The following B4GALT6 variants were observed in gnomAD, a reference collection of about 807,000 sequenced individuals.
B4GALT6 encodes the protein beta-1,4-galactosyltransferase 6.
Under a neutral mutation model 46.3 loss-of-function variants are expected in B4GALT6, and 14 were observed. The ratio of observed to expected loss-of-function variants is 0.30; its 90% CI spans 0.20 to 0.47. B4GALT6 has a LOEUF of 0.47. Ranked by LOEUF, B4GALT6 falls within the 20% of genes least tolerant of loss-of-function variation. The probability of loss-of-function intolerance (pLI) is 0.99; values close to 1 mark genes in which losing one functional copy is unlikely to be tolerated. For synonymous variants in B4GALT6, 168 were observed against 162.0 expected (o/e 1.04, Z -0.28); for missense variants, 386 against 480.1 (o/e 0.80, Z 1.83).
chr18:31,648,032 G>GAGAGGGAATGTCCTTCTTGTAA (rs1233750673), intron 3 of B4GALT6, among the ~76,000 whole-genome samples: 1 of 152,168 alleles, frequency 6.6e-6, no homozygotes, highest in Non-Finnish European at 1.5e-5. Flanking sequence ...AATGAAGCTA[G>GAGAGGGAATGTCCTTCTTGTAA]AGAGGGAATG....
intron 3 of B4GALT6, among the ~76,000 whole-genome samples, chr18:31,653,612 TTGTG>T (rs1461405244): frequency 6.6e-6 from 1 of 151,884 alleles, no homozygotes; most frequent in Non-Finnish European, 1.5e-5. Flanking sequence ...TGGCTAATTT[TTGTG>T]TGTGTGTTTT....
At chr18:31,684,993 C>T (rs980381629), upstream of B4GALT6, among the ~76,000 whole-genome samples, 6 of 146,758 alleles carry the variant, frequency 4.1e-5, no homozygotes, top group Non-Finnish European at 9.1e-5. Flanking sequence ...GCGTGGGCGC[C>T]GGGGCCGCAA....
chr18:31,656,005 G>C (rs976643383), intron 3 of B4GALT6, among the ~76,000 whole-genome samples: 2 of 152,082 alleles, frequency 1.3e-5, no homozygotes, highest in African/African-American at 4.8e-5. Flanking sequence ...TGCGGGATTT[G>C]TTAGAAATGC....
intron 5 of B4GALT6, among the ~76,000 whole-genome samples, chr18:31,632,312 G>C (rs1443371570): frequency 6.6e-6 from 1 of 151,982 alleles, no homozygotes; most frequent in Non-Finnish European, 1.5e-5. Context: ...AAAGAAAAGG[G>C]AGTTAAATTA....
At chr18:31,700,468 T>TGTGTGTGAGAGA in the B4GALT6 span, among the ~76,000 whole-genome samples, 1 of 148,280 alleles carries the variant, frequency 6.7e-6, no homozygotes, top group East Asian at 2.0e-4. Context: ...TGTGTGTGTG[T>TGTGTGTGAGAGA]GAGAGAGAGA....
chr18:31,631,886 G>A (rs1279763748), intron 5 of B4GALT6, among the ~76,000 whole-genome samples: 1 of 152,058 alleles, frequency 6.6e-6, no homozygotes, highest in Non-Finnish European at 1.5e-5. Context: ...ATACATTAAA[G>A]TACATGGGCA....
chr18:31,715,073 T>C, the B4GALT6 span, among the ~76,000 whole-genome samples: 1 of 152,224 alleles, frequency 6.6e-6, no homozygotes, highest in African/African-American at 2.4e-5. Context: ...TATGGCCCTT[T>C]TTATAAAGAT....
At chr18:31,692,844 CAT>C in the B4GALT6 span, among the ~76,000 whole-genome samples, 38 of 152,244 alleles carry the variant, frequency 2.5e-4, no homozygotes, top group African/African-American at 8.4e-4. Context: ...AATCAAGAAA[CAT>C]ATGCACACTT....
the B4GALT6 span, among the ~76,000 whole-genome samples, chr18:31,695,871 G>A: frequency 6.6e-6 from 1 of 152,226 alleles, no homozygotes; most frequent in African/African-American, 2.4e-5. Flanking sequence ...CCTCCAAATA[G>A]ACCAGGAATA....
intron 7 of B4GALT6, among the ~76,000 whole-genome samples, chr18:31,626,592 C>T (rs931144657): frequency 1.3e-5 from 2 of 152,152 alleles, no homozygotes; most frequent in South Asian, 2.1e-4. Flanking sequence ...CACCTCCTGT[C>T]GGATCAGCGA....
chr18:31,704,399 G>A, the B4GALT6 span, among the ~76,000 whole-genome samples: 3 of 152,002 alleles, frequency 2.0e-5, no homozygotes, highest in South Asian at 6.2e-4. Context: ...TTTTAGTAGA[G>A]ATGGGGTCTT....
At chr18:31,704,107 A>G in the B4GALT6 span, among the ~76,000 whole-genome samples, 1 of 151,468 alleles carries the variant, frequency 6.6e-6, no homozygotes, top group Non-Finnish European at 1.5e-5. Context: ...TCAAGTACAT[A>G]TAATAATAAT....
chr18:31,700,560 C>T, the B4GALT6 span, among the ~76,000 whole-genome samples: 1 of 151,858 alleles, frequency 6.6e-6, no homozygotes, highest in East Asian at 1.9e-4. Context: ...AGGTTCGCGC[C>T]ATTCTCCTGC....
chr18:31,665,824 C>T (rs998540806), intron 2 of B4GALT6, among the ~76,000 whole-genome samples: 3 of 152,118 alleles, frequency 2.0e-5, no homozygotes, highest in Admixed American at 2.0e-4. Context: ...TTAAAAAGGC[C>T]ATAACACTAT....
At chr18:31,684,591 G>C, upstream of B4GALT6, 4 of 1,391,358 alleles carry the variant, frequency 2.9e-6, no homozygotes, top group Non-Finnish European at 3.7e-6. Context: ...GGAAATGGGA[G>C]GGAGCGGACG....
chr18:31,689,099 C>T (rs1023202986), upstream of B4GALT6, among the ~76,000 whole-genome samples: 7 of 152,156 alleles, frequency 4.6e-5, no homozygotes, highest in African/African-American at 1.7e-4. Flanking sequence ...CCTTGCTTGT[C>T]ATCAGTTGGT....
the B4GALT6 span, among the ~76,000 whole-genome samples, chr18:31,700,235 A>C: frequency 6.6e-6 from 1 of 152,134 alleles, no homozygotes; most frequent in East Asian, 1.9e-4. Context: ...TAAAGAAATG[A>C]AAAAAATAGA....
chr18:31,712,287 ATTTTTTTTTT>A, the B4GALT6 span, among the ~76,000 whole-genome samples: 6 of 84,642 alleles, frequency 7.1e-5, no homozygotes, highest in East Asian at 3.6e-4. Flanking sequence ...CTGGGACGTT[ATTTTTTTTTT>A]TTTTTTTTTT....
rs931036637 is a variant in B4GALT6 at position 31,626,348 on chromosome 18, C to T, written c.936G>A (p.Glu312=). 1 of 1,607,752 alleles carries T rather than the reference C, an allele frequency of 6.2e-7. No individual in the cohort carries two copies. Among genetic ancestry groups the T allele is most frequent in the Admixed American group, 1.7e-5 (1 of 59,792 alleles). The change falls in exon 8 of 9, where the codon GAG becomes GAA. Residue 312 remains glutamate (E), a synonymous_variant. Coordinates refer to ENST00000306851, the MANE Select transcript of B4GALT6 (RefSeq NM_004775.5). ...HYAGYNVTRP[E]GDLGKYKSIP... ...TTGACTTGTATTTTCCTAAGTCTCCCTCTGGTCTGGTTACATTATATCCAG... is the reference window on the plus strand; with the variant it reads ...TTGACTTGTATTTTCCTAAGTCTCCTTCTGGTCTGGTTACATTATATCCAG...
Sources: gnomAD v4.1 joint callset for allele counts (sites outside exome capture counted in the v4.1 genomes callset) on GRCh38, gnomAD v4.1.1 for gene constraint, MANE v1.5 for transcripts, NCBI Gene and HGNC (gene_info 2026-07-23, HGNC 2026-07-21) for gene names.